Variants in CSGALNACT1 observed in about 807,000 individuals in gnomAD.
CSGALNACT1 encodes the protein chondroitin sulfate N-acetylgalactosaminyltransferase 1, also known as beta4GalNAcT-1.
In CSGALNACT1, 52 loss-of-function variants were observed where a neutral mutation model predicts 51.0. The observed-to-expected ratio is 1.02, with a 90% CI of 0.82 to 1.29. CSGALNACT1 has a LOEUF of 1.29. Among genes scored for constraint, CSGALNACT1 ranks in the 50% most tolerant of loss-of-function variants. The pLI, the probability that CSGALNACT1 is intolerant of heterozygous loss-of-function variation, is 0.00. For synonymous variants in CSGALNACT1, 341 were observed against 254.4 expected (o/e 1.34, Z -3.24); for missense variants, 935 against 679.2 (o/e 1.38, Z -4.19).
chr8:19,580,583 A>G (rs2154121269), intron 3 of CSGALNACT1, among the ~76,000 whole-genome samples: 1 of 152,352 alleles, frequency 6.6e-6, no homozygotes, highest in African/African-American at 2.4e-5. Flanking sequence ...TCCTTGGAGG[A>G]ATAGAACAGC....
In CSGALNACT1 at chr8:19,666,943, AAAAGAAAGAAAGAAAG is replaced by A. The variant is rs1159962282; in HGVS notation, c.-544+15514_-544+15529del. Among the ~76,000 whole-genome samples the A allele has an allele frequency of 3.2e-3, 251 of 79,428 alleles. 2 individuals are homozygous for A. Among genetic ancestry groups the A allele is most frequent in the African/African-American group, 3.8e-3 (80 of 21,314 alleles). The allele number at this position is 79,428 out of a possible 152,430, so 52.1% of individuals were successfully genotyped here. A position where few individuals can be genotyped will look rare whatever the true frequency, so the allele number is the denominator to read the frequency against. ...GAAGGGAGAGACAGAGAGAGAGAGA[AAAAGAAAGAAAGAAAG>A]AAAGAAAGAAAGAAAGAAAGAAAGA... On this transcript the variant is annotated intron_variant, in intron 1 of 9. Transcript: ENST00000332246.
At chr8:19,744,747 G>C (rs2064542084) in intron 1 of CSGALNACT1, among the ~76,000 whole-genome samples, 2 of 152,192 alleles carry the variant, frequency 1.3e-5, no homozygotes. Flanking sequence ...CCTTGAATGT[G>C]ATTTGTCTAT....
intron 4 of CSGALNACT1, among the ~76,000 whole-genome samples, chr8:19,471,134 G>C (rs1054870580): frequency 6.6e-6 from 1 of 151,230 alleles, no homozygotes; most frequent in Non-Finnish European, 1.5e-5. Flanking sequence ...AGAGGGGAGA[G>C]AGAGAGAAAA....
chr8:19,454,682 A>T (rs2063763220), intron 5 of CSGALNACT1, among the ~76,000 whole-genome samples: 1 of 152,180 alleles, frequency 6.6e-6, no homozygotes, highest in Non-Finnish European at 1.5e-5. Flanking sequence ...ATAAATAAAT[A>T]AATGATTGCT....
chr8:19,572,037 T>C (rs943613387), intron 3 of CSGALNACT1, among the ~76,000 whole-genome samples: 2 of 152,228 alleles, frequency 1.3e-5, no homozygotes, highest in Admixed American at 6.5e-5. Context: ...TTTCAATGGA[T>C]AGAAAACATC....
At chr8:19,538,808 T>G (rs1195559082) in intron 3 of CSGALNACT1, among the ~76,000 whole-genome samples, 1 of 152,096 alleles carries the variant, frequency 6.6e-6, no homozygotes, top group Non-Finnish European at 1.5e-5. Context: ...CCTGGTTCCG[T>G]TGCTTCCTAG....
At position 19,736,662 on chromosome 8, in the gene CSGALNACT1, G is replaced by C. The variant is rs112951087; in HGVS notation, c.-297+21188C>G. On this transcript the variant is annotated intron_variant, in intron 1 of 1. Coordinates refer to the CSGALNACT1 transcript ENST00000517494. Reference sequence around the variant, plus strand: ...TGGTCTACATGTTGTATTGGACATGGTTAAAAAGAGAATTTGTAAAACAGA... The same window carrying C: ...TGGTCTACATGTTGTATTGGACATGCTTAAAAAGAGAATTTGTAAAACAGA... Among the ~76,000 whole-genome samples, 5 of 152,072 alleles carry C rather than the reference G, an allele frequency of 3.3e-5. No homozygotes were observed. In the East Asian group the frequency reaches 7.7e-4, roughly 23 times the overall value.
intron 4 of CSGALNACT1, among the ~76,000 whole-genome samples, chr8:19,482,922 T>C (rs1251468359): frequency 1.3e-5 from 2 of 152,194 alleles, no homozygotes; most frequent in Non-Finnish European, 2.9e-5. Flanking sequence ...GGTCTAGTTC[T>C]TCCTCTTCTG....
chr8:19,541,030 A>T (rs1160339346), intron 3 of CSGALNACT1, among the ~76,000 whole-genome samples: 2 of 152,064 alleles, frequency 1.3e-5, no homozygotes, highest in Admixed American at 1.3e-4. Context: ...CCTTCACTAT[A>T]AATTATGCTC....
chr8:19,427,725 T>G (rs1041074870), intron 6 of CSGALNACT1, among the ~76,000 whole-genome samples: 1 of 152,160 alleles, frequency 6.6e-6, no homozygotes, highest in Middle Eastern at 3.4e-3. Flanking sequence ...TGGGCGAAGC[T>G]TGCCGTTAGC....
exon 10 of CSGALNACT1, chr8:19,404,622 A>ATATATATT: frequency 2.3e-6 from 1 of 434,126 alleles, no homozygotes; most frequent in East Asian, 7.1e-5. Context: ...ATATATATAT[A>ATATATATT]TTTTTTTCTC....
intron 3 of CSGALNACT1, among the ~76,000 whole-genome samples, chr8:19,589,419 AG>A (rs1254680225): frequency 6.6e-6 from 1 of 152,184 alleles, no homozygotes; most frequent in African/African-American, 2.4e-5. Context: ...TCCGTCTCCC[AG>A]GTTCAAACAA....
At chr8:19,670,539 C>T (rs1042970391) in intron 1 of CSGALNACT1, among the ~76,000 whole-genome samples, 1 of 147,676 alleles carries the variant, frequency 6.8e-6, no homozygotes, top group Admixed American at 7.0e-5. Flanking sequence ...TATGCCATCT[C>T]TGAAGGGTCA....
At chr8:19,428,121 T>A (rs2059063882) in intron 6 of CSGALNACT1, among the ~76,000 whole-genome samples, 1 of 152,100 alleles carries the variant, frequency 6.6e-6, no homozygotes, top group African/African-American at 2.4e-5. Flanking sequence ...CTCTGTAAAG[T>A]CTGGATGGAT....
rs146518323 is a variant in CSGALNACT1, at chr8:19,595,458, A to T, written c.-415-4180T>A. ...ATACAACTCTTTATTAAAACATTTA[A>T]GGGTAAACACTAATATTTCAAATTA... On this transcript the variant is annotated intron_variant, in intron 2 of 9. Coordinates refer to ENST00000454498, the Ensembl canonical transcript of CSGALNACT1. Among the ~76,000 whole-genome samples, 694 of 152,330 alleles carry T rather than the reference A, an allele frequency of 4.6e-3. 3 individuals carry two copies. Among genetic ancestry groups the T allele is most frequent in the African/African-American group, 0.016 (657 of 41,578 alleles).
At chr8:19,643,516 T>C (rs1051801345) in intron 1 of CSGALNACT1, among the ~76,000 whole-genome samples, 4 of 152,034 alleles carry the variant, frequency 2.6e-5, no homozygotes, top group African/African-American at 9.7e-5. Context: ...TGTGCACCTG[T>C]AATCCCAGCT....
chr8:19,466,077 TA>T (rs1248292734), intron 4 of CSGALNACT1, among the ~76,000 whole-genome samples: 1 of 152,172 alleles, frequency 6.6e-6, no homozygotes. Context: ...AAGTAAAAGC[TA>T]TCTGAAGTTC....
At chr8:19,501,576 C>G (rs978298192) in intron 4 of CSGALNACT1, among the ~76,000 whole-genome samples, 1 of 152,216 alleles carries the variant, frequency 6.6e-6, no homozygotes, top group Middle Eastern at 3.2e-3. Context: ...ATGAGCCACA[C>G]AGGCTGGTGA....
rs2048690545 is a variant in CSGALNACT1 at position 19,595,462 on chromosome 8, TA to T, written c.-415-4185del. 2.0e-5 allele frequency among the ~76,000 whole-genome samples: 3 copies of T among 152,292 alleles called. No homozygotes were observed. In the South Asian group the frequency reaches 6.2e-4, roughly 32 times the overall value. On this transcript the variant is annotated intron_variant, in intron 2 of 9. Transcript: ENST00000454498. ...AACTCTTTATTAAAACATTTAAGGG[TA>T]AACACTAATATTTCAAATTACCATT...
Sources: gnomAD v4.1 joint callset for allele counts (sites outside exome capture counted in the v4.1 genomes callset) on GRCh38, gnomAD v4.1.1 for gene constraint, MANE v1.5 for transcripts, NCBI Gene and HGNC (gene_info 2026-07-23, HGNC 2026-07-21) for gene names.